Variants in PRKRIP1 observed in about 807,000 individuals in gnomAD.
PRKRIP1 encodes the protein PRKR interacting protein 1, also known as PRKR-interacting protein 1.
Under a neutral mutation model 29.3 loss-of-function variants are expected in PRKRIP1, and 29 were observed. That is an observed-to-expected ratio of 0.99 (90% confidence interval 0.74 to 1.35). The LOEUF (loss-of-function observed/expected upper bound fraction) is 1.35, where lower values mean the gene tolerates loss of function less well. PRKRIP1 is among the 40% of genes most tolerant of loss of function. PRKRIP1 has a pLI of 0.00. For missense variants in PRKRIP1, 247 were observed against 236.8 expected, an observed-to-expected ratio of 1.04 and a Z score of -0.28; for synonymous variants, 90 against 85.1, an observed-to-expected ratio of 1.06 and a Z score of -0.32.
rs556988788 is a variant in PRKRIP1 at position 102,415,214 on chromosome 7, C to G, written c.457+7716C>G. 1.5e-3 allele frequency among the ~76,000 whole-genome samples: 226 copies of G among 152,304 alleles called. 1 individual carries two copies. The highest frequency in any genetic ancestry group is 5.3e-3 in the African/African-American group (222 of 41,568). Reference sequence around the variant, plus strand: ...CCCACTCTCTTGCCATTCCACCCCCCACGCACCCACCTGTGTACAGCCTCC... The same window carrying G: ...CCCACTCTCTTGCCATTCCACCCCCGACGCACCCACCTGTGTACAGCCTCC... On this transcript the variant is annotated intron_variant, in intron 5 of 5. Coordinates refer to ENST00000397912, the MANE Select transcript of PRKRIP1 (RefSeq NM_024653.4).
At chr7:102,409,680 C>T (rs773632993) in intron 5 of PRKRIP1, among the ~76,000 whole-genome samples, 1 of 151,802 alleles carries the variant, frequency 6.6e-6, no homozygotes, top group Non-Finnish European at 1.5e-5. Context: ...AAAAATTGGT[C>T]AGGTGTGGTG....
intron 5 of PRKRIP1, among the ~76,000 whole-genome samples, chr7:102,423,897 A>T (rs1796769890): frequency 6.6e-6 from 1 of 152,110 alleles, no homozygotes; most frequent in Admixed American, 6.6e-5. Context: ...CCTGGGCTCA[A>T]GTGATCCATC....
Position 102,399,641 on chromosome 7 carries a change from C to A in PRKRIP1, c.299C>A (p.Ala100Asp). 6.2e-7 allele frequency: 1 copy of A among 1,612,466 alleles called. No individual in the cohort carries two copies. The highest frequency in any genetic ancestry group is 8.5e-7 in the Non-Finnish European group (1 of 1,178,594). Residue 100 changes from alanine to aspartate, a missense_variant, in exon 3 of 6, where the codon GCT (alanine) becomes GAT (aspartate). Ala to Asp is a moderately radical substitution (Grantham distance 126). Transcript: ENST00000397912. ...YQRQDYMDAM[A>D]EKQKLDAEFQ... Reference sequence around the variant, plus strand: ...CGACAGGACTACATGGATGCCATGGCTGAGAAGGTCAGTGAGCCAGAAGGC... The same window carrying A: ...CGACAGGACTACATGGATGCCATGGATGAGAAGGTCAGTGAGCCAGAAGGC...
intron 5 of PRKRIP1, among the ~76,000 whole-genome samples, chr7:102,409,827 A>AT (rs1796331616): frequency 1.3e-5 from 2 of 151,904 alleles, no homozygotes; most frequent in African/African-American, 4.9e-5. Flanking sequence ...CTGTCTCAAA[A>AT]AAATAATAAT....
At chr7:102,409,713 A>G (rs1218406425) in intron 5 of PRKRIP1, among the ~76,000 whole-genome samples, 1 of 151,980 alleles carries the variant, frequency 6.6e-6, no homozygotes. Flanking sequence ...CGTCCTATCT[A>G]GTCTGGAGGC....
In PRKRIP1 at chr7:102,425,159, A is replaced by G; in HGVS notation, c.*48A>G. ...CTGGAACCTGGCTCGTGCTGTGACCAGAAGGGAAAGGCGGCTGTTTGGCTC... is the reference window on the plus strand; with the variant it reads ...CTGGAACCTGGCTCGTGCTGTGACCGGAAGGGAAAGGCGGCTGTTTGGCTC... On this transcript the variant is annotated 3_prime_UTR_variant, in exon 6 of 6. Coordinates refer to ENST00000397912, the MANE Select transcript of PRKRIP1 (RefSeq NM_024653.4). The G allele has an allele frequency of 6.3e-7, 1 of 1,580,680 alleles. No individual in the cohort carries two copies. Among genetic ancestry groups the G allele is most frequent in the Non-Finnish European group, 8.6e-7 (1 of 1,167,658 alleles).
intron 1 of PRKRIP1, 75 bp from the exon 2 acceptor site, chr7:102,397,545 C>CT: frequency 8.1e-7 from 1 of 1,230,328 alleles, no homozygotes; most frequent in Non-Finnish European, 1.2e-6. Context: ...GAACCTGTCT[C>CT]TAAAAAAAGA....
intron 5 of PRKRIP1, among the ~76,000 whole-genome samples, chr7:102,421,197 CAGA>C (rs1250472567): frequency 1.3e-5 from 2 of 152,112 alleles, no homozygotes; most frequent in African/African-American, 4.8e-5. Context: ...CCTGAAGAAG[CAGA>C]AGGATAAAAG....
rs1461283190 is a variant in PRKRIP1 at position 102,422,188 on chromosome 7, T to TATTATC, written c.458-2824_458-2823insTATCAT. Among the ~76,000 whole-genome samples, 85 of 147,388 alleles carry TATTATC rather than the reference T, an allele frequency of 5.8e-4. 1 individual carries two copies. The highest frequency in any genetic ancestry group is 1.3e-3 in the African/African-American group (51 of 40,368). Reference sequence around the variant, plus strand: ...TTATTATTATTATTATGATTATTATTATCAGAGACGGATTCTAGCTCTGTT... The same window carrying TATTATC: ...TTATTATTATTATTATGATTATTATTATTATCATCAGAGACGGATTCTAGCTCTGTT... On this transcript the variant is annotated intron_variant, in intron 5 of 5. Coordinates refer to ENST00000397912, the MANE Select transcript of PRKRIP1 (RefSeq NM_024653.4).
chr7:102,408,986 C>T (rs1796303931), intron 5 of PRKRIP1, among the ~76,000 whole-genome samples: 1 of 152,128 alleles, frequency 6.6e-6, no homozygotes. Flanking sequence ...CCAGCCTGGC[C>T]AACGTGGTGA....
intron 1 of PRKRIP1, among the ~76,000 whole-genome samples, chr7:102,397,309 C>G (rs1269716622): frequency 1.3e-5 from 2 of 152,066 alleles, no homozygotes; most frequent in African/African-American, 4.8e-5. Flanking sequence ...TTTGGGAGGC[C>G]AGGCGGGAGG....
chr7:102,405,936 C>A, intron 4 of PRKRIP1: 2 of 336,292 alleles, frequency 5.9e-6, no homozygotes, highest in South Asian at 2.7e-5. Flanking sequence ...TTTCTGCATC[C>A]CGCTGGTTGT....
At chr7:102,420,600 GC>G (rs1196428910) in intron 5 of PRKRIP1, among the ~76,000 whole-genome samples, 1 of 152,114 alleles carries the variant, frequency 6.6e-6, no homozygotes, top group East Asian at 1.9e-4. Flanking sequence ...ACTTGTCTGT[GC>G]CCCCGGTTTC....
intron 5 of PRKRIP1, among the ~76,000 whole-genome samples, chr7:102,424,216 T>C (rs1554574162): frequency 6.6e-6 from 1 of 152,202 alleles, no homozygotes; most frequent in Non-Finnish European, 1.5e-5. Context: ...GCGCTCAGGG[T>C]CTGTAGTGGG....
intron 1 of PRKRIP1, among the ~76,000 whole-genome samples, 170 bp from the exon 2 acceptor site, chr7:102,397,450 C>G (rs1039946064): frequency 1.3e-5 from 2 of 151,948 alleles, no homozygotes; most frequent in African/African-American, 2.4e-5. Context: ...GGAGACTGAA[C>G]CGGGAGGATC....
At chr7:102,412,864 C>A (rs1796425495) in intron 5 of PRKRIP1, among the ~76,000 whole-genome samples, 1 of 152,120 alleles carries the variant, frequency 6.6e-6, no homozygotes, top group South Asian at 2.1e-4. Context: ...GGGAAGACTC[C>A]CGGCAGTGTG....
intron 5 of PRKRIP1, among the ~76,000 whole-genome samples, chr7:102,409,643 T>C (rs1387998301): frequency 1.3e-5 from 2 of 151,868 alleles, no homozygotes; most frequent in African/African-American, 4.8e-5. Context: ...GGCAACATAG[T>C]GAGACCCCAT....
At position 102,425,229 on chromosome 7, in the gene PRKRIP1, A is replaced by C; in HGVS notation, c.*118A>C. The C allele has an allele frequency of 6.6e-7, 1 of 1,523,672 alleles. No homozygotes were observed. The highest frequency in any genetic ancestry group is 2.1e-4 in the Middle Eastern group (1 of 4,746). 94.4% of individuals were successfully genotyped at this position (1,523,672 alleles called of 1,614,324 possible). On this transcript the variant is annotated 3_prime_UTR_variant, in exon 6 of 6. Transcript: ENST00000397912. ...CGCTGACCCGCTGGATGGAGAGCAAAGGAGACCCCTCCCGAGCCGCTCACA... is the reference window on the plus strand; with the variant it reads ...CGCTGACCCGCTGGATGGAGAGCAACGGAGACCCCTCCCGAGCCGCTCACA...
intron 5 of PRKRIP1, among the ~76,000 whole-genome samples, chr7:102,413,053 G>C (rs1041850864): frequency 2.0e-5 from 3 of 152,216 alleles, no homozygotes; most frequent in African/African-American, 7.2e-5. Flanking sequence ...ATCTAGAGCA[G>C]AGCTTCTCCA....
Sources: gnomAD v4.1 joint callset for allele counts (sites outside exome capture counted in the v4.1 genomes callset) on GRCh38, gnomAD v4.1.1 for gene constraint, MANE v1.5 for transcripts, NCBI Gene and HGNC (gene_info 2026-07-23, HGNC 2026-07-21) for gene names.